ITGA2B: variants seen among roughly 807,000 people sequenced by gnomAD.
ITGA2B encodes integrin alpha-IIb.
ITGA2B carries 91 observed loss-of-function variants against 142.0 expected under a neutral mutation model. The ratio of observed to expected loss-of-function variants is 0.64; its 90% CI spans 0.54 to 0.76. The LOEUF (loss-of-function observed/expected upper bound fraction) is 0.76, where lower values mean the gene tolerates loss of function less well. Ranked by LOEUF, ITGA2B falls within the 30% of genes least tolerant of loss-of-function variation. ITGA2B has a pLI of 0.00. For synonymous variants in ITGA2B, 536 were observed against 567.2 expected, an observed-to-expected ratio of 0.94 and a Z score of 0.78; for missense variants, 1,231 against 1,350.8, an observed-to-expected ratio of 0.91 and a Z score of 1.39.
intron 28 of ITGA2B, 58 bp downstream of exon 28, chr17:44,374,601 T>A: frequency 6.4e-7 from 1 of 1,556,916 alleles, no homozygotes; most frequent in Non-Finnish European, 8.9e-7. Context: ...GGCTGGGCAC[T>A]GACTGGGGGA....
chr17:44,376,543 C>T (rs564982122), intron 22 of ITGA2B, among the ~76,000 whole-genome samples, 155 bp from the exon 23 acceptor site: 2 of 152,226 alleles, frequency 1.3e-5, no homozygotes, highest in East Asian at 3.9e-4. Flanking sequence ...TCCTCTAGGG[C>T]TCCAAGACTC....
At chr17:44,382,684 T>A (rs1251516888) in intron 12 of ITGA2B, among the ~76,000 whole-genome samples, 1 of 152,094 alleles carries the variant, frequency 6.6e-6, no homozygotes, top group Non-Finnish European at 1.5e-5. Flanking sequence ...GGCACCCTCT[T>A]CTTGCTAAAG....
chr17:44,376,996 G>C lies in ITGA2B; in HGVS notation c.2267+13C>G. 6.4e-7 allele frequency: 1 copy of C among 1,574,444 alleles called. No individual in the cohort carries two copies. Among genetic ancestry groups the C allele is most frequent in the Non-Finnish European group, 8.6e-7 (1 of 1,160,722 alleles). On this transcript the variant is annotated intron_variant, in intron 22 of 29. Coordinates refer to ENST00000262407, the MANE Select transcript of ITGA2B (RefSeq NM_000419.5). ...GGAAGGGTGGTGGGTAGGCACGCTC[G>C]CCAGGTCAGTACCTCCGTATCTGCA...
In ITGA2B at chr17:44,377,198, C is replaced by CT. The variant is rs373144079; in HGVS notation, c.2188-111dup. 0.094 allele frequency: 62,591 copies of CT among 664,116 alleles called. 204 individuals are homozygous for CT. Among genetic ancestry groups the CT allele is most frequent in the Non-Finnish European group, 0.11 (43,834 of 399,010 alleles). 41.1% of individuals were successfully genotyped at this position (664,116 alleles called of 1,614,324 possible). ...CTCCAAGATCACCACTATTCTTTTT[C>CT]TTTTTTTTTTTTTCCGAGACGGAGT... On this transcript the variant is annotated intron_variant, in intron 21 of 29. Coordinates refer to ENST00000262407, the MANE Select transcript of ITGA2B (RefSeq NM_000419.5).
Position 44,386,059 on chromosome 17 carries a change from G to A in ITGA2B, c.261C>T (p.Cys87=). 1.2e-6 allele frequency: 2 copies of A among 1,612,556 alleles called. No individual in the cohort carries two copies. The highest frequency in any genetic ancestry group is 1.7e-6 in the Non-Finnish European group (2 of 1,179,882). ...ACTGGCCGCCCTCGGCCCTCCAGGG[G>A]CACAGGAACACGCCGCCCGTCTCCT... The part of the protein sequence containing the change: ...SQEETGGVFL[C]PWRAEGGQCP... The change falls in exon 2 of 30, where the codon TGC becomes TGT. Residue 87 remains cysteine, a synonymous_variant. Coordinates refer to ENST00000262407, the MANE Select transcript of ITGA2B (RefSeq NM_000419.5).
intron 4 of ITGA2B, 72 bp downstream of exon 4, chr17:44,385,479 G>A (rs1250620359): frequency 2.6e-6 from 4 of 1,524,136 alleles, no homozygotes; most frequent in East Asian, 2.4e-5. Context: ...CTGCGGCGCT[G>A]GGGGCGGGAT....
chr17:44,376,365 CT>C lies in ITGA2B; in HGVS notation c.2290del (p.Ser764AlafsTer62), dbSNP rs781357804. 2.5e-6 allele frequency: 4 copies of C among 1,614,174 alleles called. No individual in the cohort carries two copies. In the African/African-American group the frequency reaches 4.0e-5, roughly 16 times the overall value. On this transcript the variant is annotated frameshift_variant, in exon 23 of 30. Coordinates refer to ENST00000262407, the MANE Select transcript of ITGA2B (RefSeq NM_000419.5). LOFTEE classifies it high-confidence loss of function. ...IRSKNSQNPN[S>X]KIVLLDVPVR... Reference sequence around the variant, plus strand: ...CGGCACGTCCAGCAGCACAATCTTGCTGTTTGGATTCTGGCTGTTCTTGCTA... The same window carrying C: ...CGGCACGTCCAGCAGCACAATCTTGCGTTTGGATTCTGGCTGTTCTTGCTA...
At position 44,386,036 on chromosome 17, in the gene ITGA2B, T is replaced by C. The variant is rs201860267; in HGVS notation, c.284A>G (p.Gln95Arg). Residue 95 changes from glutamine (Q) to arginine (R), a missense_variant, in exon 2 of 30, where the codon CAG becomes CGG. This residue lies in a region of ITGA2B where 318 missense variants were observed against 312.2 expected (regional missense o/e 1.02). Transcript: ENST00000262407. Reference sequence around the variant, plus strand: ...GAGGTCAAAGAGCAGCGAGGGGCACTGGCCGCCCTCGGCCCTCCAGGGGCA... The same window carrying C: ...GAGGTCAAAGAGCAGCGAGGGGCACCGGCCGCCCTCGGCCCTCCAGGGGCA... The part of the protein sequence containing the change: ...FLCPWRAEGG[Q>R]CPSLLFDLRD... 1.3e-5 allele frequency: 21 copies of C among 1,613,334 alleles called. No individual in the cohort carries two copies. The African/African-American group carries it at 2.7e-4, about 21-fold the overall frequency.
chr17:44,375,201 G>A, intron 26 of ITGA2B, 90 bp from the exon 27 acceptor site: 1 of 1,099,168 alleles, frequency 9.1e-7, no homozygotes, highest in Non-Finnish European at 1.3e-6. Flanking sequence ...AACGCAGAAG[G>A]GGCCGGGGGT....
chr17:44,380,750 C>T (rs1474488189), intron 13 of ITGA2B, 105 bp from the exon 14 acceptor site: 1 of 1,590,214 alleles, frequency 6.3e-7, no homozygotes, highest in East Asian at 2.2e-5. Context: ...GAGGTTTCAC[C>T]CAGCCCCTCT....
At chr17:44,377,892 G>C (rs751065987) in intron 20 of ITGA2B, 102 bp from the exon 21 acceptor site, 6 of 750,446 alleles carry the variant, frequency 8.0e-6, no homozygotes, top group African/African-American at 3.5e-5. Flanking sequence ...AGGTAGGGAG[G>C]GGGGGGTTTC....
rs372777804 is a variant in ITGA2B at position 44,378,446 on chromosome 17, G to C, written c.2010C>G (p.Asn670Lys). 1.1e-5 allele frequency: 17 copies of C among 1,613,412 alleles called. No individual in the cohort carries two copies. The highest frequency in any genetic ancestry group is 1.7e-5 in the Admixed American group (1 of 59,942). The part of the protein sequence containing the change: ...NVLELQMDAA[N>K]EGEGAYEAEL... ...CTGCTTCATAGGCCCCCTCGCCCTC[G>C]TTGGCTGCGTCCATCTGCAGCTCCA... The change falls in exon 20 of 30, where the codon AAC becomes AAG. Residue 670 changes from asparagine to lysine, a missense_variant. By Grantham distance (94) the Asn-to-Lys change is moderately conservative. Around this residue, in one of 3 missense-constraint regions of ITGA2B, gnomAD observed 908 missense variants for 1,021.1 expected, o/e 0.89. Coordinates refer to ENST00000262407, the MANE Select transcript of ITGA2B (RefSeq NM_000419.5).
In ITGA2B at chr17:44,376,107, G is replaced by C. The variant is rs2048541371; in HGVS notation, c.2426C>G (p.Pro809Arg). 1.9e-6 allele frequency: 3 copies of C among 1,614,094 alleles called. No individual in the cohort carries two copies. Among genetic ancestry groups the C allele is most frequent in the Non-Finnish European group, 2.5e-6 (3 of 1,180,010 alleles). ...REQNSLDSWG[P>R]KVEHTYELHN... ...TACCTCATAGGTGTGCTCCACTTTG[G>C]GTCCCCAGCTGTCCAAGCTGTTCTG... The change falls in exon 24 of 30, where the codon CCC becomes CGC. Residue 809 changes from proline (P) to arginine (R), a missense_variant. By Grantham distance (103) the Pro-to-Arg change is moderately radical (BLOSUM62 -2). Around this residue, in one of 3 missense-constraint regions of ITGA2B, gnomAD observed 908 missense variants for 1,021.1 expected, o/e 0.89. Coordinates refer to ENST00000262407, the MANE Select transcript of ITGA2B (RefSeq NM_000419.5).
intron 12 of ITGA2B, 133 bp from the exon 13 acceptor site, chr17:44,381,194 A>C: frequency 1.3e-6 from 1 of 786,584 alleles, no homozygotes; most frequent in Non-Finnish European, 2.0e-6. Context: ...TGAAGGAGGC[A>C]CTGCCCTACC....
chr17:44,389,349 T>C lies in ITGA2B; in HGVS notation c.125A>G (p.Tyr42Cys). 4 of 1,614,156 alleles carry C rather than the reference T, an allele frequency of 2.5e-6. No homozygotes were observed. Among genetic ancestry groups the C allele is most frequent in the Non-Finnish European group, 3.4e-6 (4 of 1,180,014 alleles). ...AAACTGGCTGCCATTGGGGCCTGCA[T>C]AGAAGGTGAGCTGCACTGGGTCCAG... is the stretch of plus-strand genomic sequence containing the variant. ...LNLDPVQLTF[Y>C]AGPNGSQFGF... Residue 42 changes from tyrosine to cysteine, a missense_variant, in exon 1 of 30, where the codon TAT (tyrosine) becomes TGT (cysteine). Transcript: ENST00000262407.
At position 44,385,642 on chromosome 17, in the gene ITGA2B, G is replaced by A. The variant is rs1169075974; in HGVS notation, c.483C>T (p.Cys161=). Residue 161 remains cysteine (C), a synonymous_variant, in exon 4 of 30, where the codon TGC becomes TGT. Transcript: ENST00000262407. ...EEAEKTPVGS[C]FLAQPESGRR... ...GGCCGCTCTCTGGCTGAGCCAAAAA[G>A]CAGCTACCTACGGGCGTCTTCTCAG... 1 of 1,613,480 alleles carries A rather than the reference G, an allele frequency of 6.2e-7. No individual in the cohort carries two copies. The highest frequency in any genetic ancestry group is 1.3e-5 in the African/African-American group (1 of 74,948).
At chr17:44,377,153 T>G (rs2048552297) in intron 21 of ITGA2B, 65 bp from the exon 22 acceptor site, 4 of 1,213,826 alleles carry the variant, frequency 3.3e-6, no homozygotes. Context: ...CTGCCCTGAA[T>G]GTGGCCTCCA....
In ITGA2B at chr17:44,378,486, C is replaced by T. The variant is rs755405876; in HGVS notation, c.1970G>A (p.Gly657Glu). The change falls in exon 20 of 30, where the codon GGG becomes GAG. Residue 657 changes from glycine to glutamate, a missense_variant. Physicochemically the swap from Gly to Glu is moderately conservative, Grantham distance 98. Around this residue, in one of 3 missense-constraint regions of ITGA2B, gnomAD observed 908 missense variants for 1,021.1 expected, o/e 0.89. Transcript: ENST00000262407. The part of the protein sequence containing the change: ...ASVTGSPLLV[G>E]ADNVLELQMD... ...CTGCAGCTCCAGGACATTATCTGCCCCAACTAGGAGCGGGGAGCCCGTCCT... is the reference window on the plus strand; with the variant it reads ...CTGCAGCTCCAGGACATTATCTGCCTCAACTAGGAGCGGGGAGCCCGTCCT... The T allele has an allele frequency of 6.2e-7, 1 of 1,613,822 alleles. No individual in the cohort carries two copies. Among genetic ancestry groups the T allele is most frequent in the Non-Finnish European group, 8.5e-7 (1 of 1,179,972 alleles).
At position 44,383,582 on chromosome 17, in the gene ITGA2B, G is replaced by A. The variant is rs1446701871; in HGVS notation, c.1121C>T (p.Pro374Leu). ...CTGTGTGCCAGTCAGCAGGAGGCTG[G>A]GGGCACCCAGCGCGTGGGGGCCTCG... Reference protein sequence around the residue: ...QPRGPHALGAPSLLLTGTQLY... With the variant: ...QPRGPHALGALSLLLTGTQLY... The change falls in exon 12 of 30, where the codon CCC becomes CTC. Residue 374 changes from proline (P) to leucine (L), a missense_variant. Physicochemically the swap from Pro to Leu is moderately conservative, Grantham distance 98. Coordinates refer to ENST00000262407, the MANE Select transcript of ITGA2B (RefSeq NM_000419.5). 1 of 1,611,634 alleles carries A rather than the reference G, an allele frequency of 6.2e-7. No individual in the cohort carries two copies. The highest frequency in any genetic ancestry group is 8.5e-7 in the Non-Finnish European group (1 of 1,179,740).
Sources: gnomAD v4.1 joint callset for allele counts (sites outside exome capture counted in the v4.1 genomes callset) on GRCh38, gnomAD v4.1.1 for gene constraint, gnomAD v4.1.1 regional missense constraint, MANE v1.5 for transcripts, NCBI Gene and HGNC (gene_info 2026-07-23, HGNC 2026-07-21) for gene names.